The following NELL1 variants were observed in gnomAD, a reference collection of about 807,000 sequenced individuals.
NELL1 encodes the protein neural EGFL like 1.
A neutral mutation model predicts 107.4 loss-of-function variants in NELL1; 76 were observed. The ratio of observed to expected loss-of-function variants is 0.71; its 90% CI spans 0.59 to 0.86. The LOEUF (loss-of-function observed/expected upper bound fraction) is 0.86, where lower values mean the gene tolerates loss of function less well. Among genes scored for constraint, NELL1 ranks in the 40% least tolerant of loss-of-function variants. The pLI, the probability that NELL1 is intolerant of heterozygous loss-of-function variation, is 0.00. For synonymous variants in NELL1, 353 were observed against 341.2 expected (o/e 1.03, Z -0.38); for missense variants, 1,024 against 1,005.5 (o/e 1.02, Z -0.25).
At chr11:21,118,874 A>G (rs1038107713) in intron 13 of NELL1, among the ~76,000 whole-genome samples, 1 of 152,034 alleles carries the variant, frequency 6.6e-6, no homozygotes, top group African/African-American at 2.4e-5. Flanking sequence ...ATTCTATTCA[A>G]CCAAAAATAG....
At chr11:21,055,498 C>G (rs554009633) in intron 12 of NELL1, among the ~76,000 whole-genome samples, 20 of 152,230 alleles carry the variant, frequency 1.3e-4, no homozygotes, top group African/African-American at 4.3e-4. Flanking sequence ...AGCTTATTTT[C>G]TTTTTATAGA....
chr11:21,103,547 T>G (rs528082665), intron 12 of NELL1, among the ~76,000 whole-genome samples: 1 of 152,182 alleles, frequency 6.6e-6, no homozygotes, highest in East Asian at 1.9e-4. Context: ...AATTGATACA[T>G]GCAAAATGCT....
At chr11:21,535,600 A>T (rs898443960) in intron 16 of NELL1, among the ~76,000 whole-genome samples, 1 of 152,174 alleles carries the variant, frequency 6.6e-6, no homozygotes, top group Non-Finnish European at 1.5e-5. Context: ...TACTAAAAGT[A>T]TGGACTTTTG....
intron 14 of NELL1, among the ~76,000 whole-genome samples, chr11:21,353,545 G>C (rs1207693938): frequency 6.6e-6 from 1 of 152,122 alleles, no homozygotes; most frequent in Non-Finnish European, 1.5e-5. Context: ...ATTAGCACAA[G>C]AACAAGGGCA....
Position 21,113,449 on chromosome 11 carries a change from C to G in NELL1, c.1301-140C>G, listed in dbSNP as rs182276681. 9 of 805,362 alleles carry G rather than the reference C, an allele frequency of 1.1e-5. No individual in the cohort carries two copies. In the Admixed American group the frequency reaches 1.2e-4, roughly 11 times the overall value. 49.9% of individuals were successfully genotyped at this position (805,362 alleles called of 1,614,324 possible). On this transcript the variant is annotated intron_variant, in intron 12 of 19. Transcript: ENST00000357134. ...CTAACGTACCAAGCTGAATTTTCAC[C>G]TAAGCTTTTGTGTTTAATGCATGTT...
intron 14 of NELL1, among the ~76,000 whole-genome samples, chr11:21,357,586 CCTGTT>C (rs1226627511): frequency 6.6e-6 from 1 of 152,118 alleles, no homozygotes; most frequent in Non-Finnish European, 1.5e-5. Context: ...AATATTTTCT[CCTGTT>C]CTGTGGGTTG....
At chr11:20,810,352 G>A (rs111764815) in intron 3 of NELL1, among the ~76,000 whole-genome samples, 3,002 of 152,172 alleles carry the variant, frequency 0.02, 102 homozygotes, top group African/African-American at 0.069. Context: ...CATATTTGCT[G>A]TCTTTTATCC....
intron 12 of NELL1, among the ~76,000 whole-genome samples, chr11:20,971,013 C>T (rs1233171997): frequency 6.6e-6 from 1 of 152,156 alleles, no homozygotes; most frequent in Non-Finnish European, 1.5e-5. Flanking sequence ...AATGAACTTG[C>T]ATGGCCTTGC....
chr11:20,676,744 A>G (rs1260349514), intron 1 of NELL1, among the ~76,000 whole-genome samples: 1 of 152,208 alleles, frequency 6.6e-6, no homozygotes, highest in Admixed American at 6.5e-5. Flanking sequence ...GTGATAGCTT[A>G]TGATGTCCCG....
intron 2 of NELL1, among the ~76,000 whole-genome samples, chr11:20,744,381 C>T (rs1855956322): frequency 6.6e-6 from 1 of 152,246 alleles, no homozygotes; most frequent in South Asian, 2.1e-4. Context: ...AGTCTTCTCA[C>T]TGTCTGAACA....
intron 12 of NELL1, among the ~76,000 whole-genome samples, chr11:20,961,404 T>C (rs1238839208): frequency 6.6e-6 from 1 of 152,134 alleles, no homozygotes; most frequent in Non-Finnish European, 1.5e-5. Flanking sequence ...GGCTGGGCTA[T>C]TTTTCTGTTT....
At chr11:21,458,109 C>G (rs1275221619) in intron 15 of NELL1, among the ~76,000 whole-genome samples, 2 of 152,096 alleles carry the variant, frequency 1.3e-5, no homozygotes, top group Non-Finnish European at 2.9e-5. Context: ...AAGAGAGACA[C>G]TGGGAGAAAA....
At chr11:20,974,126 T>G (rs1018829133) in intron 12 of NELL1, among the ~76,000 whole-genome samples, 5 of 152,362 alleles carry the variant, frequency 3.3e-5, no homozygotes, top group East Asian at 1.9e-4. Context: ...TTTTGCAGAT[T>G]GTTTTTTCCC....
At chr11:21,574,273 G>A (rs1041157545) in intron 19 of NELL1, among the ~76,000 whole-genome samples, 1 of 151,150 alleles carries the variant, frequency 6.6e-6, no homozygotes, top group Non-Finnish European at 1.5e-5. Flanking sequence ...TTCTGGGAAA[G>A]TATCATCTTA....
Position 20,731,199 on chromosome 11 carries a change from T to C in NELL1, c.185-52481T>C, listed in dbSNP as rs117638662. ...AGACACCTGAGGAGGTCTGCACTTATATGGGGCACCCAGGGCTTCAGATAC... is the reference window on the plus strand; with the variant it reads ...AGACACCTGAGGAGGTCTGCACTTACATGGGGCACCCAGGGCTTCAGATAC... On this transcript the variant is annotated intron_variant, in intron 2 of 19. Coordinates refer to ENST00000357134, the MANE Select transcript of NELL1 (RefSeq NM_006157.5). 7.1e-4 allele frequency among the ~76,000 whole-genome samples: 108 copies of C among 152,332 alleles called. 2 individuals carry two copies. In the East Asian group the frequency reaches 0.018, roughly 26 times the overall value.
chr11:21,494,081 C>G (rs1854908803), intron 15 of NELL1, among the ~76,000 whole-genome samples: 1 of 151,660 alleles, frequency 6.6e-6, no homozygotes, highest in Admixed American at 6.6e-5. Context: ...TGATTTTTAC[C>G]AAAGCCATTT....
chr11:21,219,983 G>A (rs1300726652), intron 13 of NELL1, among the ~76,000 whole-genome samples: 1 of 152,184 alleles, frequency 6.6e-6, no homozygotes, highest in African/African-American at 2.4e-5. Flanking sequence ...GAGGAAGAGA[G>A]CAAAGAGGAG....
chr11:20,898,017 C>G (rs1386310544), intron 5 of NELL1, among the ~76,000 whole-genome samples: 1 of 152,152 alleles, frequency 6.6e-6, no homozygotes, highest in East Asian at 1.9e-4. Flanking sequence ...TGTGGTGATT[C>G]CTCAGGGATC....
At chr11:21,453,070 C>T (rs1270539937) in intron 15 of NELL1, among the ~76,000 whole-genome samples, 1 of 152,010 alleles carries the variant, frequency 6.6e-6, no homozygotes, top group Non-Finnish European at 1.5e-5. Flanking sequence ...AAATTGTTTA[C>T]ATGCACCTCA....
Sources: allele counts gnomAD v4.1 joint callset (sites outside exome capture counted in the v4.1 genomes callset), GRCh38; gene constraint gnomAD v4.1.1; transcripts MANE v1.5; gene names NCBI Gene and HGNC (gene_info 2026-07-23, HGNC 2026-07-21).